The following TAFA5 variants were observed in gnomAD, a reference collection of about 807,000 sequenced individuals.
TAFA5 encodes chemokine-like protein TAFA-5.
In TAFA5, 6 loss-of-function variants were observed where a neutral mutation model predicts 15.3. The observed-to-expected ratio is 0.39, with a 90% CI of 0.21 to 0.77. The LOEUF (loss-of-function observed/expected upper bound fraction) is 0.77. TAFA5 is among the 30% of genes least tolerant of loss of function. The probability of loss-of-function intolerance (pLI) is 0.41; values close to 1 mark genes in which losing one functional copy is unlikely to be tolerated. For synonymous variants in TAFA5, 103 were observed against 80.7 expected (o/e 1.28, Z -1.48); for missense variants, 161 against 193.1 (o/e 0.83, Z 0.98).
chr22:48,544,318 G>T (rs1922576780), intron 1 of TAFA5: 1 of 259,580 alleles, frequency 3.9e-6, no homozygotes, highest in South Asian at 4.9e-5. Context: ...CCCCTGCGTT[G>T]TCTGCCCCCT....
At chr22:48,625,235 T>C (rs1325549212) in intron 1 of TAFA5, among the ~76,000 whole-genome samples, 2 of 152,070 alleles carry the variant, frequency 1.3e-5, no homozygotes, top group Admixed American at 6.5e-5. Flanking sequence ...AGGGAGGAGA[T>C]GCATGAATGT....
rs1389638692 is a variant in TAFA5 at position 48,560,664 on chromosome 22, C to T, written c.112+70960C>T. ...CGCTCTTGTTGCCCAGGCGGGAGTGCAGTGGTGCTATTCGGCTCACTGCAT... is the reference window on the plus strand; with the variant it reads ...CGCTCTTGTTGCCCAGGCGGGAGTGTAGTGGTGCTATTCGGCTCACTGCAT... On this transcript the variant is annotated intron_variant, in intron 1 of 3. Transcript: ENST00000402357. The surrounding 1 kb of genome is among the most constrained non-coding windows in gnomAD (Gnocchi z 4.2). Among the ~76,000 whole-genome samples the T allele has an allele frequency of 2.0e-5, 3 of 151,702 alleles. No individual in the cohort carries two copies. The highest frequency in any genetic ancestry group is 7.3e-5 in the African/African-American group (3 of 41,280).
Position 48,698,066 on chromosome 22 carries a change from ATGATGG to A in TAFA5, c.263-9636_263-9631del, listed in dbSNP as rs1555900548. Reference sequence around the variant, plus strand: ...TGGTGGTGGTTAGGATGATGTCATAATGATGGTGATGGTGATGGTGGTGATAATGGT... The same window carrying A: ...TGGTGGTGGTTAGGATGATGTCATAATGATGGTGATGGTGGTGATAATGGT... On this transcript the variant is annotated intron_variant, in intron 2 of 3. Transcript: ENST00000402357. Among the ~76,000 whole-genome samples the A allele has an allele frequency of 6.8e-5, 10 of 146,230 alleles. No individual in the cohort carries two copies. The East Asian group carries it at 1.7e-3, about 24-fold the overall frequency.
intron 1 of TAFA5, among the ~76,000 whole-genome samples, chr22:48,574,896 G>C (rs1009631157): frequency 5.9e-5 from 9 of 152,226 alleles, no homozygotes; most frequent in African/African-American, 2.2e-4. Context: ...AAGGGAGGCA[G>C]TGCAGGGAGG....
At chr22:48,676,605 G>A (rs1390517630) in intron 2 of TAFA5, among the ~76,000 whole-genome samples, 3 of 152,190 alleles carry the variant, frequency 2.0e-5, no homozygotes, top group Non-Finnish European at 4.4e-5. Flanking sequence ...CCTGCAAATG[G>A]CCCCCCACGA....
chr22:48,738,000 G>T (rs562585116), intron 3 of TAFA5, among the ~76,000 whole-genome samples: 54 of 152,278 alleles, frequency 3.5e-4, no homozygotes, highest in African/African-American at 1.3e-3. Flanking sequence ...GGGGGCTCTG[G>T]CCTCCTTTGG....
At chr22:48,645,296 A>C (rs1173798278) in intron 1 of TAFA5, among the ~76,000 whole-genome samples, 2 of 152,014 alleles carry the variant, frequency 1.3e-5, no homozygotes, top group Non-Finnish European at 2.9e-5. Flanking sequence ...TTTATTTGTC[A>C]GTGTTAATAT....
intron 3 of TAFA5, among the ~76,000 whole-genome samples, chr22:48,718,956 T>G (rs1031392712): frequency 2.6e-5 from 4 of 152,194 alleles, no homozygotes; most frequent in Non-Finnish European, 5.9e-5. Flanking sequence ...CTCCACCATC[T>G]GTCTGTCCCC....
At chr22:48,609,487 C>T (rs553514855) in intron 1 of TAFA5, among the ~76,000 whole-genome samples, 8 of 152,262 alleles carry the variant, frequency 5.3e-5, no homozygotes, top group South Asian at 2.1e-4. Flanking sequence ...GTGGACAGGG[C>T]GCTGGAGCCA....
At chr22:48,692,995 C>A (rs369330148) in intron 2 of TAFA5, among the ~76,000 whole-genome samples, 1 of 152,208 alleles carries the variant, frequency 6.6e-6, no homozygotes, top group Non-Finnish European at 1.5e-5. Flanking sequence ...AAGAACTCCG[C>A]GAGCCCGTGC....
intron 1 of TAFA5, chr22:48,546,490 G>A (rs1159408773): frequency 2.1e-6 from 1 of 471,068 alleles, no homozygotes; most frequent in Non-Finnish European, 4.4e-6. Context: ...AACGGGGTGT[G>A]TGGACGCCCC....
At chr22:48,653,293 G>A (rs1008013339) in intron 2 of TAFA5, among the ~76,000 whole-genome samples, 2 of 152,218 alleles carry the variant, frequency 1.3e-5, no homozygotes, top group African/African-American at 4.8e-5. Flanking sequence ...TCAGTTCTGA[G>A]CATGATTGGT....
intron 2 of TAFA5, among the ~76,000 whole-genome samples, chr22:48,700,484 C>A (rs1449288352): frequency 6.6e-6 from 1 of 152,190 alleles, no homozygotes; most frequent in African/African-American, 2.4e-5. Flanking sequence ...TCCAGCAGCC[C>A]TTTGACCAAA....
intron 2 of TAFA5, among the ~76,000 whole-genome samples, chr22:48,648,068 C>T (rs1331889566): frequency 1.3e-5 from 2 of 152,158 alleles, no homozygotes; most frequent in South Asian, 2.1e-4. Context: ...TGGCCAGTGG[C>T]CCCTCCAGTC....
chr22:48,685,219 G>T (rs1928317078), intron 2 of TAFA5, among the ~76,000 whole-genome samples: 1 of 152,194 alleles, frequency 6.6e-6, no homozygotes, highest in Non-Finnish European at 1.5e-5. Flanking sequence ...AGGAATGCTG[G>T]AGTTAAAATG....
chr22:48,597,843 C>A (rs1308131690), intron 1 of TAFA5, among the ~76,000 whole-genome samples: 1 of 152,158 alleles, frequency 6.6e-6, no homozygotes, highest in Non-Finnish European at 1.5e-5. Context: ...TGGAAAGTGC[C>A]CCAGAAGGGG....
chr22:48,748,580 C>T (rs760041051), intron 3 of TAFA5, among the ~76,000 whole-genome samples: 6 of 152,236 alleles, frequency 3.9e-5, no homozygotes, highest in Non-Finnish European at 5.9e-5. Context: ...CAGGTCCCCT[C>T]ACCCCTGAGC....
At chr22:48,546,683 G>A (rs1387013044) in intron 1 of TAFA5, 3 of 449,798 alleles carry the variant, frequency 6.7e-6, no homozygotes, top group Admixed American at 2.4e-5. Context: ...CCGCAGGATG[G>A]GGGGCTCACC....
chr22:48,680,386 G>T (rs569901547), intron 2 of TAFA5, among the ~76,000 whole-genome samples: 1 of 152,206 alleles, frequency 6.6e-6, no homozygotes, highest in Non-Finnish European at 1.5e-5. Flanking sequence ...CCGCCATGCA[G>T]TTGCCTGCCC....
Sources: gnomAD v4.1 joint callset for allele counts (sites outside exome capture counted in the v4.1 genomes callset) on GRCh38, gnomAD v4.1.1 for gene constraint, Gnocchi (gnomAD v3.1) non-coding constraint, MANE v1.5 for transcripts, NCBI Gene and HGNC (gene_info 2026-07-23, HGNC 2026-07-21) for gene names.